The following PRKDC variants were observed in gnomAD, a reference collection of about 807,000 sequenced individuals.
The protein encoded by PRKDC is protein kinase, DNA-activated, catalytic subunit, also known as DNA-dependent protein kinase catalytic subunit.
In PRKDC, 82 loss-of-function variants were observed where a neutral mutation model predicts 486.9. The ratio of observed to expected loss-of-function variants is 0.17; its 90% CI spans 0.14 to 0.20. The LOEUF (loss-of-function observed/expected upper bound fraction) is 0.20. Among genes scored for constraint, PRKDC ranks in the 10% least tolerant of loss-of-function variants. PRKDC has a pLI of 1.00. For synonymous variants in PRKDC, 1,895 were observed against 1,837.0 expected (o/e 1.03, Z -0.81); for missense variants, 4,504 against 5,038.2 (o/e 0.89, Z 3.21).
intron 31 of PRKDC, among the ~76,000 whole-genome samples, chr8:47,891,306 T>C (rs2154501888): frequency 6.6e-6 from 1 of 152,386 alleles, no homozygotes; most frequent in Non-Finnish European, 1.5e-5. Context: ...TCATGGTTTC[T>C]AATTCTTTGT....
At chr8:47,783,631 A>G (rs1343975065) in intron 78 of PRKDC, 111 bp downstream of exon 78, 3 of 1,026,186 alleles carry the variant, frequency 2.9e-6, no homozygotes, top group Non-Finnish European at 4.4e-6. Flanking sequence ...TAAACTTGAT[A>G]TATCTGTGAT....
chr8:47,958,164 G>A (rs138112298), intron 1 of PRKDC, among the ~76,000 whole-genome samples: 50 of 152,254 alleles, frequency 3.3e-4, no homozygotes, highest in Non-Finnish European at 6.2e-4. Context: ...TTGGGAAAGC[G>A]GGAGATTCCA....
chr8:47,941,644 G>T (rs772349206), intron 10 of PRKDC, among the ~76,000 whole-genome samples: 20 of 152,280 alleles, frequency 1.3e-4, no homozygotes, highest in Middle Eastern at 3.4e-3. Context: ...GCTTCCTTCG[G>T]TTGATTTTTA....
Position 47,859,768 on chromosome 8 carries a change from T to C in PRKDC, c.6059-9A>G, listed in dbSNP as rs2088632331. On this transcript the variant is annotated splice_polypyrimidine_tract_variant and intron_variant, in intron 45 of 85. Coordinates refer to ENST00000314191, the MANE Select transcript of PRKDC (RefSeq NM_006904.7). ...CATATAGGAAGGACCATCTGAAATA[T>C]AAAAAAGGAGAAAATTACATGTATT... 1.2e-6 allele frequency: 2 copies of C among 1,602,302 alleles called. No individual in the cohort carries two copies. Among genetic ancestry groups the C allele is most frequent in the South Asian group, 1.1e-5 (1 of 89,756 alleles).
At position 47,782,645 on chromosome 8, in the gene PRKDC, C is replaced by A; in HGVS notation, c.11176-47G>T. 2 of 1,535,470 alleles carry A rather than the reference C, an allele frequency of 1.3e-6. No individual in the cohort carries two copies. The highest frequency in any genetic ancestry group is 2.4e-5 in the South Asian group (2 of 83,562). On this transcript the variant is annotated intron_variant, in intron 78 of 85. Transcript: ENST00000314191. The surrounding 1 kb of genome is among the most constrained non-coding windows in gnomAD (Gnocchi z 4.9). ...CTCAGGGCACAGGCTAGCCACGTGT[C>A]AAACTCAGAGGGAAAAGCCAGAGTG...
intron 64 of PRKDC, among the ~76,000 whole-genome samples, chr8:47,823,328 A>G (rs2087648641): frequency 1.3e-5 from 2 of 151,870 alleles, no homozygotes; most frequent in African/African-American, 4.8e-5. Flanking sequence ...CTAAATAAAT[A>G]AAAGTATATG....
chr8:47,845,770 C>T lies in PRKDC; in HGVS notation c.7280+3384G>A, dbSNP rs550282733. ...CTACCAGACATACAAAGAATTGGTA[C>T]GAATCCTACTGAAACTATTTCACAA... On this transcript the variant is annotated intron_variant, in intron 54 of 85. Transcript: ENST00000314191. Among the ~76,000 whole-genome samples the T allele has an allele frequency of 3.3e-5, 5 of 151,530 alleles. No individual in the cohort carries two copies. In the South Asian group the frequency reaches 8.4e-4, roughly 25 times the overall value.
chr8:47,807,819 G>A (rs2087248351), intron 68 of PRKDC, among the ~76,000 whole-genome samples: 1 of 144,910 alleles, frequency 6.9e-6, no homozygotes, highest in Non-Finnish European at 1.5e-5. Flanking sequence ...GGGTTCAAGC[G>A]ATTCTCCTGC....
chr8:47,866,710 G>A (rs2154500871), intron 40 of PRKDC, among the ~76,000 whole-genome samples: 1 of 152,216 alleles, frequency 6.6e-6, no homozygotes, highest in African/African-American at 2.4e-5. Context: ...TAGTGAAACA[G>A]ATACACTAGT....
intron 52 of PRKDC, among the ~76,000 whole-genome samples, chr8:47,852,396 C>T (rs997343509): frequency 2.6e-5 from 4 of 152,182 alleles, no homozygotes; most frequent in African/African-American, 9.7e-5. Flanking sequence ...GTAATAAAAG[C>T]TGGTTAAATA....
Position 47,794,320 on chromosome 8 carries a change from G to C in PRKDC, c.10640C>G (p.Thr3547Ser). 1 of 1,613,156 alleles carries C rather than the reference G, an allele frequency of 6.2e-7. No individual in the cohort carries two copies. Residue 3547 changes from threonine to serine, a missense_variant, in exon 74 of 86, where the codon ACT becomes AGT. By Grantham distance (58) the Thr-to-Ser change is moderately conservative (BLOSUM62 1). Around this residue, in one of 6 missense-constraint regions of PRKDC, gnomAD observed 706 missense variants for 945.0 expected, o/e 0.75. Transcript: ENST00000314191. The part of the protein sequence containing the change: ...SESYSFKDTS[T>S]GHKNKEFVAR... ...CACAAACTCCTTATTCTTATGACCAGTAGAAGTATCCTTGAAGGAATAGCT... is the reference window on the plus strand; with the variant it reads ...CACAAACTCCTTATTCTTATGACCACTAGAAGTATCCTTGAAGGAATAGCT...
intron 76 of PRKDC, 69 bp from the exon 77 acceptor site, chr8:47,785,386 A>G (rs970093393): frequency 2.4e-5 from 29 of 1,188,508 alleles, no homozygotes; most frequent in African/African-American, 6.2e-5. Context: ...CTCTAAGCTT[A>G]TAAGTGTAAT....
intron 76 of PRKDC, among the ~76,000 whole-genome samples, chr8:47,786,542 T>C (rs1283240980): frequency 6.6e-6 from 1 of 152,108 alleles, no homozygotes; most frequent in African/African-American, 2.4e-5. Context: ...ATCATTATGA[T>C]GACACAAATA....
At chr8:47,836,942 A>C (rs1347744143) in intron 57 of PRKDC, among the ~76,000 whole-genome samples, 1 of 152,212 alleles carries the variant, frequency 6.6e-6, no homozygotes, top group Non-Finnish European at 1.5e-5. Flanking sequence ...GGCTGCTGCG[A>C]GACAGGACAA....
At chr8:47,926,441 C>A (rs1221095194) in intron 21 of PRKDC, among the ~76,000 whole-genome samples, 1 of 152,120 alleles carries the variant, frequency 6.6e-6, no homozygotes, top group Non-Finnish European at 1.5e-5. Context: ...TAAAACCTCA[C>A]AATTTTTTTT....
intron 13 of PRKDC, 77 bp downstream of exon 13, chr8:47,935,655 C>T (rs2090337226): frequency 7.0e-7 from 1 of 1,422,750 alleles, no homozygotes; most frequent in South Asian, 1.7e-5. Flanking sequence ...ATTTGGTAAC[C>T]AGATTCTCTT....
chr8:47,953,520 G>C (rs1366643004), intron 7 of PRKDC, 100 bp downstream of exon 7: 1 of 1,153,552 alleles, frequency 8.7e-7, no homozygotes, highest in African/African-American at 1.5e-5. Context: ...ACTACTGTAT[G>C]TAAATTCAGG....
chr8:47,807,968 C>T (rs1253569570), intron 68 of PRKDC, among the ~76,000 whole-genome samples: 1 of 151,984 alleles, frequency 6.6e-6, no homozygotes, highest in Non-Finnish European at 1.5e-5. Context: ...CCTTGGGTCA[C>T]CTGCCTTGGG....
intron 1 of PRKDC, 89 bp from the exon 2 acceptor site, chr8:47,957,520 AT>A (rs1174468701): frequency 2.6e-4 from 297 of 1,143,424 alleles, no homozygotes; most frequent in Middle Eastern, 5.0e-4. Flanking sequence ...TTTTCTTATT[AT>A]TTTTTTTGAG....
Sources: gnomAD v4.1 joint callset for allele counts (sites outside exome capture counted in the v4.1 genomes callset) on GRCh38, gnomAD v4.1.1 for gene constraint, gnomAD v4.1.1 regional missense constraint, Gnocchi (gnomAD v3.1) non-coding constraint, MANE v1.5 for transcripts, NCBI Gene and HGNC (gene_info 2026-07-23, HGNC 2026-07-21) for gene names.